Variants in COLEC12 observed in about 807,000 individuals in gnomAD.
COLEC12 encodes collectin-12.
In COLEC12, 33 loss-of-function variants were observed where a neutral mutation model predicts 71.1. That is an observed-to-expected ratio of 0.46 (90% CI 0.35 to 0.62). The LOEUF (loss-of-function observed/expected upper bound fraction) is 0.62. Ranked by LOEUF, COLEC12 falls within the 20% of genes least tolerant of loss-of-function variation. The probability of loss-of-function intolerance (pLI) is 0.00; values close to 1 mark genes in which losing one functional copy is unlikely to be tolerated. For synonymous variants in COLEC12, 350 were observed against 353.0 expected (o/e 0.99, Z 0.10); for missense variants, 765 against 916.1 (o/e 0.84, Z 2.13).
At chr18:368,012 G>A (rs1215524174) in intron 2 of COLEC12, among the ~76,000 whole-genome samples, 1 of 152,060 alleles carries the variant, frequency 6.6e-6, no homozygotes, top group African/African-American at 2.4e-5. Context: ...ACTTTTGGAA[G>A]TCAAAGCAAT....
intron 2 of COLEC12, among the ~76,000 whole-genome samples, chr18:441,092 CA>C (rs67624923): frequency 0.89 from 107,945 of 121,548 alleles, 48,844 homozygotes; most frequent in East Asian, 1. Context: ...ACTAAAAATA[CA>C]AAAAATTGGC....
chr18:410,469 G>C (rs986608265), intron 2 of COLEC12, among the ~76,000 whole-genome samples: 1 of 150,708 alleles, frequency 6.6e-6, no homozygotes, highest in Non-Finnish European at 1.5e-5. Flanking sequence ...GACGGAGTCC[G>C]CTCTTGTTGC....
intron 1 of COLEC12, among the ~76,000 whole-genome samples, chr18:493,505 T>G (rs9959678): frequency 0.09 from 13,690 of 152,308 alleles, 662 homozygotes; most frequent in Admixed American, 0.14. Flanking sequence ...AAAATGTCCC[T>G]GTCTTCAGCC....
intron 2 of COLEC12, among the ~76,000 whole-genome samples, chr18:360,308 G>A (rs1017885779): frequency 4.0e-5 from 6 of 151,492 alleles, no homozygotes; most frequent in South Asian, 2.1e-4. Flanking sequence ...TCAGCCTCCC[G>A]AGTAGCTGGG....
In COLEC12 at chr18:399,945, G is replaced by A. The variant is rs7239649; in HGVS notation, c.59-42423C>T. ...GACAACGCTTGTTAAAGGGTGGTGG[G>A]GGCGGGTGGGGGATAGTGACTGAAG... On this transcript the variant is annotated intron_variant, in intron 2 of 9. Transcript: ENST00000400256. This position sits in a 1 kb window ranked among gnomAD's most constrained non-coding sequence, Gnocchi z 4.0. Among the ~76,000 whole-genome samples, 10,785 of 152,248 alleles carry A rather than the reference G, an allele frequency of 0.071. 454 individuals are homozygous for A. Among genetic ancestry groups the A allele is most frequent in the South Asian group, 0.11 (534 of 4,826 alleles).
rs373279696 is a variant in COLEC12 at position 349,903 on chromosome 18, A to T, written c.182-1740T>A. ...ACCCAATACCTGTAACCCTCATTGT[A>T]TCTAGGAAGTAACTAGCTTGCTTTT... is the stretch of plus-strand genomic sequence containing the variant. On this transcript the variant is annotated intron_variant, in intron 3 of 9. Transcript: ENST00000400256. Among the ~76,000 whole-genome samples the T allele has an allele frequency of 2.0e-5, 3 of 152,310 alleles. No homozygotes were observed. The South Asian group carries it at 6.2e-4, about 32-fold the overall frequency.
intron 2 of COLEC12, among the ~76,000 whole-genome samples, chr18:412,483 A>C (rs1252192408): frequency 7.9e-6 from 1 of 126,804 alleles, no homozygotes; most frequent in Non-Finnish European, 1.8e-5. Flanking sequence ...TCTAAACAGA[A>C]AAAAAAAAAA....
At chr18:380,211 C>T (rs557658015) in intron 2 of COLEC12, among the ~76,000 whole-genome samples, 4 of 152,288 alleles carry the variant, frequency 2.6e-5, no homozygotes, top group South Asian at 4.1e-4. Flanking sequence ...GTCATCTTTC[C>T]GCATTCCTCA....
chr18:406,572 G>A (rs941381318), intron 2 of COLEC12, among the ~76,000 whole-genome samples: 22 of 148,970 alleles, frequency 1.5e-4, no homozygotes, highest in Non-Finnish European at 2.7e-4. Flanking sequence ...GCTGCCTTGT[G>A]TATAAAGTAG....
At chr18:489,723 T>G (rs945089319) in intron 1 of COLEC12, among the ~76,000 whole-genome samples, 1 of 152,216 alleles carries the variant, frequency 6.6e-6, no homozygotes, top group African/African-American at 2.4e-5. Context: ...ATTGTCACAA[T>G]AATATCAACA....
chr18:387,758 T>C (rs534958864), intron 2 of COLEC12, among the ~76,000 whole-genome samples: 1 of 152,328 alleles, frequency 6.6e-6, no homozygotes, highest in Admixed American at 6.5e-5. Flanking sequence ...AAAAATCATT[T>C]TGATGAGTGT....
At chr18:325,137 G>A (rs995395573) in intron 8 of COLEC12, among the ~76,000 whole-genome samples, 1 of 152,188 alleles carries the variant, frequency 6.6e-6, no homozygotes, top group Non-Finnish European at 1.5e-5. Context: ...AGGCTGCAGT[G>A]AGCTGTGATT....
chr18:398,777 C>T (rs1329460241), intron 2 of COLEC12, among the ~76,000 whole-genome samples: 2 of 152,206 alleles, frequency 1.3e-5, no homozygotes, highest in Non-Finnish European at 2.9e-5. Flanking sequence ...ACATTGAAGC[C>T]AACTGAAGAC....
At chr18:465,350 A>T (rs1478818392) in intron 2 of COLEC12, among the ~76,000 whole-genome samples, 2 of 152,218 alleles carry the variant, frequency 1.3e-5, no homozygotes, top group South Asian at 4.2e-4. Flanking sequence ...TGATCCGCCC[A>T]CCCTGACTCC....
At chr18:460,444 A>C (rs1916959897) in intron 2 of COLEC12, among the ~76,000 whole-genome samples, 1 of 152,188 alleles carries the variant, frequency 6.6e-6, no homozygotes, top group Admixed American at 6.5e-5. Context: ...GTCTTTAGTC[A>C]AGCTAAATTA....
At chr18:357,032 AT>A (rs1474404776) in intron 3 of COLEC12, among the ~76,000 whole-genome samples, 10 of 152,166 alleles carry the variant, frequency 6.6e-5, no homozygotes, top group Non-Finnish European at 2.9e-5. Context: ...CTCTGTCAAT[AT>A]AGTTTTCCTG....
chr18:459,265 A>G (rs1015552120), intron 2 of COLEC12, among the ~76,000 whole-genome samples: 1 of 152,242 alleles, frequency 6.6e-6, no homozygotes, highest in African/African-American at 2.4e-5. Flanking sequence ...AGGTACAGGC[A>G]GAGAAAATCT....
In COLEC12 at chr18:346,340, C is replaced by T; in HGVS notation, c.1282G>A (p.Asp428Asn). Residue 428 changes from aspartate (D) to asparagine (N), a missense_variant, in exon 5 of 10, where the codon GAC (aspartate) becomes AAC (asparagine). By Grantham distance (23) the Asp-to-Asn change is conservative (BLOSUM62 1). Coordinates refer to ENST00000400256, the MANE Select transcript of COLEC12 (RefSeq NM_130386.3). This position sits in a 1 kb window ranked among gnomAD's most constrained non-coding sequence, Gnocchi z 4.0. ...SVIMEEMKLV[D>N]SKHGQLIKNF... ...TTGATGAGCTGACCATGCTTGGAGT[C>T]TACTAGCTTCATTTCTTCCATAATC... 1 of 1,614,012 alleles carries T rather than the reference C, an allele frequency of 6.2e-7. No individual in the cohort carries two copies. Among genetic ancestry groups the T allele is most frequent in the Non-Finnish European group, 8.5e-7 (1 of 1,180,008 alleles).
intron 1 of COLEC12, among the ~76,000 whole-genome samples, chr18:481,974 T>C (rs1307652728): frequency 1.3e-5 from 2 of 152,052 alleles, no homozygotes; most frequent in Non-Finnish European, 2.9e-5. Context: ...CATGGGTAAA[T>C]TGTGGGTTGT....
Sources: allele counts gnomAD v4.1 joint callset (sites outside exome capture counted in the v4.1 genomes callset), GRCh38; gene constraint gnomAD v4.1.1; non-coding constraint Gnocchi (gnomAD v3.1); transcripts MANE v1.5; gene names NCBI Gene and HGNC (gene_info 2026-07-23, HGNC 2026-07-21).